ZMYM4: variants seen among roughly 807,000 people sequenced by gnomAD.
ZMYM4 encodes the protein zinc finger MYM-type protein 4.
ZMYM4 carries 31 observed loss-of-function variants against 183.2 expected under a neutral mutation model. The observed-to-expected ratio is 0.17, with a 90% CI of 0.13 to 0.23. ZMYM4 has a LOEUF of 0.23. ZMYM4 is among the 10% of genes least tolerant of loss of function. The pLI, the probability that ZMYM4 is intolerant of heterozygous loss-of-function variation, is 1.00. For synonymous variants in ZMYM4, 592 were observed against 631.2 expected, an observed-to-expected ratio of 0.94 and a Z score of 0.93; for missense variants, 1,273 against 1,840.3, an observed-to-expected ratio of 0.69 and a Z score of 5.64.
chr1:35,361,237 C>G lies in ZMYM4; in HGVS notation c.651C>G (p.Thr217=). 6.2e-7 allele frequency: 1 copy of G among 1,604,550 alleles called. No individual in the cohort carries two copies. Among genetic ancestry groups the G allele is most frequent in the South Asian group, 1.1e-5 (1 of 88,372 alleles). Residue 217 remains threonine (T), a synonymous_variant, in exon 4 of 30, where the codon ACC becomes ACG. Transcript: ENST00000314607. ...CATTACATACCCATTTACCACAAAC[C>G]CCAGAAACAAACTTTAGGGTAAGTT... ...EETLHTHLPQ[T]PETNFRDSSY...
intron 2 of ZMYM4, chr1:35,351,133 C>A: frequency 9.8e-7 from 1 of 1,022,190 alleles, no homozygotes; most frequent in Non-Finnish European, 1.5e-6. Flanking sequence ...CTTGGTCAGC[C>A]ACGTGCCTTT....
At chr1:35,408,517 C>G (rs997457294) in intron 26 of ZMYM4, among the ~76,000 whole-genome samples, 11 of 152,052 alleles carry the variant, frequency 7.2e-5, no homozygotes, top group African/African-American at 2.7e-4. Context: ...ATGGGAGTAT[C>G]ACTTGAGGCC....
chr1:35,315,985 A>G (rs562430499), intron 1 of ZMYM4, among the ~76,000 whole-genome samples: 24 of 152,172 alleles, frequency 1.6e-4, no homozygotes, highest in Non-Finnish European at 2.8e-4. Flanking sequence ...GAAATACTTT[A>G]TGTATAGAGA....
At chr1:35,372,866 A>G (rs1204733993) in intron 7 of ZMYM4, among the ~76,000 whole-genome samples, 1 of 152,190 alleles carries the variant, frequency 6.6e-6, no homozygotes, top group African/African-American at 2.4e-5. Flanking sequence ...TCTTTAAAAT[A>G]TGATGTTGTG....
At chr1:35,278,657 G>A (rs948759689) in intron 1 of ZMYM4, among the ~76,000 whole-genome samples, 3 of 151,966 alleles carry the variant, frequency 2.0e-5, no homozygotes, top group African/African-American at 4.8e-5. Flanking sequence ...TCCTGACCTC[G>A]TGATCTGCCC....
At chr1:35,411,688 A>T (rs1196738675) in intron 26 of ZMYM4, among the ~76,000 whole-genome samples, 1 of 152,194 alleles carries the variant, frequency 6.6e-6, no homozygotes, top group Non-Finnish European at 1.5e-5. Flanking sequence ...GATTTGGAGA[A>T]TATTGCCATT....
intron 1 of ZMYM4, among the ~76,000 whole-genome samples, chr1:35,309,891 A>G (rs994456151): frequency 6.6e-6 from 1 of 150,908 alleles, no homozygotes; most frequent in Non-Finnish European, 1.5e-5. Context: ...AAAAAACTTA[A>G]GTATTTTGTG....
intron 19 of ZMYM4, 189 bp from the exon 20 acceptor site, chr1:35,397,188 C>A: frequency 9.3e-7 from 1 of 1,069,898 alleles, no homozygotes; most frequent in Non-Finnish European, 1.2e-6. Flanking sequence ...GTGTCCAAAG[C>A]ACTTATTGAA....
intron 26 of ZMYM4, among the ~76,000 whole-genome samples, chr1:35,412,410 G>A (rs1639949838): frequency 6.6e-6 from 1 of 152,010 alleles, no homozygotes; most frequent in Non-Finnish European, 1.5e-5. Context: ...TTTCTTGCCT[G>A]GCTGCTCTGC....
chr1:35,293,254 C>T (rs1416240556), intron 1 of ZMYM4, among the ~76,000 whole-genome samples: 1 of 152,162 alleles, frequency 6.6e-6, no homozygotes, highest in Non-Finnish European at 1.5e-5. Flanking sequence ...ATCCTCCTGC[C>T]TCAGCCTCCC....
chr1:35,413,985 A>G lies in ZMYM4; in HGVS notation c.3962A>G (p.Asn1321Ser). The change falls in exon 27 of 30, where the codon AAT becomes AGT. Residue 1321 changes from asparagine (N) to serine (S), a missense_variant. Asn to Ser is a conservative substitution (Grantham distance 46). Transcript: ENST00000314607. Reference sequence around the variant, plus strand: ...TTTTTCTTGTAGTACCTGTTTGAAAATGGTAGAATAGATAACATTTTTACT... The same window carrying G: ...TTTTTCTTGTAGTACCTGTTTGAAAGTGGTAGAATAGATAACATTTTTACT... ...CLGIQQYLFE[N>S]GRIDNIFTEP... is the part of the protein sequence containing the mutation. The G allele has an allele frequency of 6.5e-7, 1 of 1,544,476 alleles. No homozygotes were observed. Among genetic ancestry groups the G allele is most frequent in the Non-Finnish European group, 8.7e-7 (1 of 1,144,866 alleles).
intron 2 of ZMYM4, among the ~76,000 whole-genome samples, chr1:35,331,912 A>G (rs1213348293): frequency 3.3e-5 from 5 of 151,894 alleles, no homozygotes; most frequent in African/African-American, 1.2e-4. Flanking sequence ...TAGGTTGATC[A>G]GTAGGATAAG....
chr1:35,292,968 C>T (rs897079931), intron 1 of ZMYM4, among the ~76,000 whole-genome samples: 1 of 151,450 alleles, frequency 6.6e-6, no homozygotes, highest in African/African-American at 2.4e-5. Context: ...GTAGGTACTG[C>T]TACCATAATA....
chr1:35,335,922 C>T (rs1372903158), intron 2 of ZMYM4, among the ~76,000 whole-genome samples: 4 of 151,964 alleles, frequency 2.6e-5, no homozygotes, highest in East Asian at 1.9e-4. Flanking sequence ...AGCGAGACTC[C>T]GTCTCAAAAA....
At chr1:35,283,361 G>A (rs559924) in intron 1 of ZMYM4, among the ~76,000 whole-genome samples, 1,669 of 98,866 alleles carry the variant, frequency 0.017, 65 homozygotes, top group African/African-American at 0.071. Flanking sequence ...TTTTTGAGAC[G>A]GAGTCTTGCT....
At chr1:35,345,949 C>T (rs1264840070) in intron 2 of ZMYM4, among the ~76,000 whole-genome samples, 1 of 152,198 alleles carries the variant, frequency 6.6e-6, no homozygotes, top group South Asian at 2.1e-4. Context: ...CGAAATTTCT[C>T]TCTTCTTTCA....
intron 1 of ZMYM4, among the ~76,000 whole-genome samples, chr1:35,309,278 T>C (rs1379574741): frequency 1.3e-5 from 2 of 152,244 alleles, no homozygotes; most frequent in African/African-American, 2.4e-5. Context: ...TAAATTTAGC[T>C]TATTTCTTTG....
At chr1:35,343,276 A>G (rs1023858252) in intron 2 of ZMYM4, among the ~76,000 whole-genome samples, 19 of 152,164 alleles carry the variant, frequency 1.2e-4, no homozygotes, top group African/African-American at 4.6e-4. Context: ...GAAAATTTGT[A>G]CTTGCTTTTT....
intron 1 of ZMYM4, among the ~76,000 whole-genome samples, chr1:35,313,223 C>T (rs564016622): frequency 3.3e-5 from 5 of 151,852 alleles, no homozygotes; most frequent in East Asian, 3.9e-4. Context: ...TTATTAGGTA[C>T]GGGGTTTCAC....
Sources: allele counts gnomAD v4.1 joint callset (sites outside exome capture counted in the v4.1 genomes callset), GRCh38; gene constraint gnomAD v4.1.1; transcripts MANE v1.5; gene names NCBI Gene and HGNC (gene_info 2026-07-23, HGNC 2026-07-21).